The following KIAA1217 variants were observed in gnomAD, a reference collection of about 807,000 sequenced individuals.
KIAA1217 encodes sickle tail protein homolog.
Under a neutral mutation model 163.9 loss-of-function variants are expected in KIAA1217, and 88 were observed. The observed-to-expected ratio is 0.54, with a 90% CI of 0.45 to 0.64. KIAA1217 has a LOEUF of 0.64. Ranked by LOEUF, KIAA1217 falls within the 30% of genes least tolerant of loss-of-function variation. The pLI is 0.00. For synonymous variants in KIAA1217, 903 were observed against 923.1 expected (o/e 0.98, Z 0.39); for missense variants, 2,372 against 2,475.0 (o/e 0.96, Z 0.88).
At chr10:24,536,095 A>G (rs904590357) in intron 16 of KIAA1217, among the ~76,000 whole-genome samples, 2 of 152,222 alleles carry the variant, frequency 1.3e-5, no homozygotes, top group Non-Finnish European at 2.9e-5. Context: ...GTCTATGTCT[A>G]TACTTTCTCC....
chr10:23,839,388 A>AT (rs143183563), intron 1 of KIAA1217, among the ~76,000 whole-genome samples: 1,626 of 152,004 alleles, frequency 0.011, 27 homozygotes, highest in African/African-American at 0.038. Context: ...TACTGGATTC[A>AT]TTTTTTTCCT....
intron 2 of KIAA1217, among the ~76,000 whole-genome samples, chr10:24,105,412 CA>C (rs1279442143): frequency 2.4e-4 from 36 of 152,170 alleles, no homozygotes; most frequent in Non-Finnish European, 1.2e-4. Flanking sequence ...ATTCATGTAT[CA>C]AAGGTAGCAG....
At chr10:23,856,379 C>G (rs557296440) in intron 1 of KIAA1217, among the ~76,000 whole-genome samples, 1 of 152,292 alleles carries the variant, frequency 6.6e-6, no homozygotes, top group East Asian at 1.9e-4. Context: ...GAAGTTTTGT[C>G]TCAGAAGAGT....
At chr10:24,495,994 A>G (rs2066736814) in intron 8 of KIAA1217, among the ~76,000 whole-genome samples, 1 of 152,256 alleles carries the variant, frequency 6.6e-6, no homozygotes, top group African/African-American at 2.4e-5. Flanking sequence ...GGCCTCTGCA[A>G]GAAGATGAGG....
chr10:24,141,230 C>A (rs545125356), intron 2 of KIAA1217, among the ~76,000 whole-genome samples: 2 of 125,072 alleles, frequency 1.6e-5, no homozygotes, highest in African/African-American at 3.0e-5. Context: ...AATAAACCCC[C>A]CCCCCCCATT....
intron 1 of KIAA1217, among the ~76,000 whole-genome samples, chr10:23,801,794 C>T (rs760173534): frequency 3.9e-5 from 6 of 152,170 alleles, no homozygotes; most frequent in Non-Finnish European, 7.3e-5. Context: ...AGTGATAGAA[C>T]CAGATATAAA....
intron 1 of KIAA1217, among the ~76,000 whole-genome samples, chr10:24,004,858 G>T (rs1175367252): frequency 6.6e-6 from 1 of 152,188 alleles, no homozygotes; most frequent in African/African-American, 2.4e-5. Flanking sequence ...GGATAGAATT[G>T]GGCCAATCTA....
intron 2 of KIAA1217, among the ~76,000 whole-genome samples, chr10:24,139,041 C>G (rs1384929346): frequency 6.6e-6 from 1 of 151,870 alleles, no homozygotes; most frequent in Non-Finnish European, 1.5e-5. Flanking sequence ...AATAGTAAAC[C>G]TTTGTCATAT....
At chr10:24,092,593 C>A (rs2061975121) in intron 2 of KIAA1217, among the ~76,000 whole-genome samples, 1 of 151,720 alleles carries the variant, frequency 6.6e-6, no homozygotes, top group Non-Finnish European at 1.5e-5. Flanking sequence ...GAACTGTTCA[C>A]TCATGCAATA....
At chr10:24,459,858 G>A (rs1271843847) in intron 5 of KIAA1217, among the ~76,000 whole-genome samples, 1 of 152,184 alleles carries the variant, frequency 6.6e-6, no homozygotes, top group Non-Finnish European at 1.5e-5. Context: ...TTGAACCAAG[G>A]AATTCAAGGC....
At chr10:24,038,891 G>A (rs1018005132) in intron 2 of KIAA1217, among the ~76,000 whole-genome samples, 1 of 151,610 alleles carries the variant, frequency 6.6e-6, no homozygotes, top group South Asian at 2.1e-4. Flanking sequence ...CTCTAGGCAT[G>A]TGCCACCATG....
intron 2 of KIAA1217, among the ~76,000 whole-genome samples, chr10:24,137,746 A>G (rs2063889586): frequency 6.6e-6 from 1 of 152,218 alleles, no homozygotes; most frequent in Non-Finnish European, 1.5e-5. Context: ...TATCCTATTC[A>G]TTCTAAAAAG....
In KIAA1217 at chr10:24,135,806, A is replaced by G. The variant is rs527792757; in HGVS notation, c.-170-83820A>G. Among the ~76,000 whole-genome samples, 4 of 152,284 alleles carry G rather than the reference A, an allele frequency of 2.6e-5. No homozygotes were observed. The South Asian group carries it at 8.3e-4, about 32-fold the overall frequency. ...GTTGTGGTTTCTCCGTGTATCAAAT[A>G]GGTTCTAAGTGACACCTCACTTATT... On this transcript the variant is annotated intron_variant, in intron 2 of 18. Transcript: ENST00000376462.
chr10:23,971,945 A>G (rs1381092230), intron 1 of KIAA1217, among the ~76,000 whole-genome samples: 1 of 152,212 alleles, frequency 6.6e-6, no homozygotes, highest in Non-Finnish European at 1.5e-5. Flanking sequence ...CAGGTCTTTA[A>G]TCAGAAAATT....
At chr10:23,988,736 C>T (rs1846088085) in intron 1 of KIAA1217, among the ~76,000 whole-genome samples, 1 of 152,144 alleles carries the variant, frequency 6.6e-6, no homozygotes, top group Non-Finnish European at 1.5e-5. Context: ...AATTATGTAT[C>T]TGTTTTTGAT....
chr10:24,136,868 C>A (rs995102739), intron 2 of KIAA1217, among the ~76,000 whole-genome samples: 18 of 152,202 alleles, frequency 1.2e-4, no homozygotes, highest in African/African-American at 3.9e-4. Flanking sequence ...ACGTTATTCA[C>A]AAGGCTTGTT....
At chr10:24,524,785 C>T in intron 13 of KIAA1217, 21 bp downstream of exon 13, 1 of 1,552,840 alleles carries the variant, frequency 6.4e-7, no homozygotes, top group Non-Finnish European at 8.7e-7. Flanking sequence ...ATTTCTGTTT[C>T]TCATAACCCC....
chr10:24,475,340 C>T (rs2133121762), intron 6 of KIAA1217, among the ~76,000 whole-genome samples: 1 of 152,214 alleles, frequency 6.6e-6, no homozygotes, highest in East Asian at 1.9e-4. Context: ...AAAAAGAAGG[C>T]CAAAATTGTG....
At chr10:24,183,242 C>G (rs2066264648) in intron 2 of KIAA1217, among the ~76,000 whole-genome samples, 1 of 152,170 alleles carries the variant, frequency 6.6e-6, no homozygotes. Flanking sequence ...CTAAATAAAC[C>G]TCTTTTCTCT....
Sources: allele counts gnomAD v4.1 joint callset (sites outside exome capture counted in the v4.1 genomes callset), GRCh38; gene constraint gnomAD v4.1.1; transcripts MANE v1.5; gene names NCBI Gene and HGNC (gene_info 2026-07-23, HGNC 2026-07-21).